ADAMTS14: variants seen among roughly 807,000 people sequenced by gnomAD.
The protein encoded by ADAMTS14 is ADAM metallopeptidase with thrombospondin type 1 motif 14.
In ADAMTS14, 100 loss-of-function variants were observed where a neutral mutation model predicts 128.6. The ratio of observed to expected loss-of-function variants is 0.78; its 90% CI spans 0.66 to 0.92. ADAMTS14 has a LOEUF of 0.92. Ranked by LOEUF, ADAMTS14 falls within the 40% of genes least tolerant of loss-of-function variation. ADAMTS14 has a pLI of 0.00. For synonymous variants in ADAMTS14, 665 were observed against 653.8 expected (o/e 1.02, Z -0.26); for missense variants, 1,562 against 1,658.6 (o/e 0.94, Z 1.01).
intron 2 of ADAMTS14, among the ~76,000 whole-genome samples, chr10:70,698,109 A>C (rs1003594919): frequency 1.2e-4 from 18 of 152,166 alleles, no homozygotes; most frequent in African/African-American, 4.3e-4. Flanking sequence ...TTTTAGTTTT[A>C]CTGTGTGAAG....
chr10:70,714,213 A>G (rs1301669841), intron 4 of ADAMTS14, among the ~76,000 whole-genome samples: 1 of 152,116 alleles, frequency 6.6e-6, no homozygotes, highest in Non-Finnish European at 1.5e-5. Flanking sequence ...AAAAAAGAAT[A>G]TCATTGTAGA....
rs367807105 is a variant in ADAMTS14 at position 70,754,020 on chromosome 10, C to T, written c.2937+13C>T. On this transcript the variant is annotated intron_variant, in intron 19 of 21. Coordinates refer to ENST00000373207, the MANE Select transcript of ADAMTS14 (RefSeq NM_080722.4). ...AGCCTGGTCCCAGGTGACTTGTCCT[C>T]AGGAGGTGGGAGGGGCTTGGGGAGG... 11 of 1,539,536 alleles carry T rather than the reference C, an allele frequency of 7.1e-6. No individual in the cohort carries two copies. The African/African-American group carries it at 1.1e-4, about 15-fold the overall frequency.
intron 2 of ADAMTS14, among the ~76,000 whole-genome samples, chr10:70,693,829 C>T (rs1166087626): frequency 6.6e-6 from 1 of 152,238 alleles, no homozygotes; most frequent in Non-Finnish European, 1.5e-5. Flanking sequence ...TCCCAGATAA[C>T]TCTCTCCAGC....
At chr10:70,678,475 G>C (rs1001677751) in intron 2 of ADAMTS14, among the ~76,000 whole-genome samples, 2 of 152,064 alleles carry the variant, frequency 1.3e-5, no homozygotes, top group African/African-American at 2.4e-5. Context: ...AGTTTGCTGG[G>C]GTCAGGGGGT....
intron 3 of ADAMTS14, among the ~76,000 whole-genome samples, chr10:70,707,566 G>A (rs948772920): frequency 1.6e-4 from 24 of 152,300 alleles, no homozygotes; most frequent in African/African-American, 5.5e-4. Context: ...TCAGGCTATA[G>A]CATAGATGAC....
chr10:70,712,343 A>G (rs1285438198), intron 4 of ADAMTS14, among the ~76,000 whole-genome samples: 2 of 152,224 alleles, frequency 1.3e-5, no homozygotes, highest in African/African-American at 4.8e-5. Flanking sequence ...TGAAGACCCC[A>G]GGACTGTAAG....
intron 2 of ADAMTS14, among the ~76,000 whole-genome samples, chr10:70,682,222 G>T (rs1456250707): frequency 2.0e-5 from 3 of 151,444 alleles, no homozygotes; most frequent in Admixed American, 6.5e-5. Flanking sequence ...AGAAAGAGAA[G>T]AGGACCGGGT....
chr10:70,739,643 T>G (rs1232086376), intron 11 of ADAMTS14, among the ~76,000 whole-genome samples: 2 of 152,082 alleles, frequency 1.3e-5, no homozygotes, highest in Non-Finnish European at 2.9e-5. Context: ...ATGGCTTGGT[T>G]GGCTCTAGGA....
In ADAMTS14 at chr10:70,761,808, C is replaced by T. The variant is rs1235394724; in HGVS notation, c.*955C>T. 6.6e-6 allele frequency: 1 copy of T among 152,290 alleles called. No homozygotes were observed. Among genetic ancestry groups the T allele is most frequent in the Non-Finnish European group, 1.5e-5 (1 of 68,072 alleles). 9.4% of individuals were successfully genotyped at this position (152,290 alleles called of 1,614,324 possible). A position where few individuals can be genotyped will look rare whatever the true frequency, so the allele number is the denominator to read the frequency against. On this transcript the variant is annotated 3_prime_UTR_variant, in exon 22 of 22. Transcript: ENST00000373207. ...GAAGATCGCTCCTGCTGGAGTCGGA[C>T]ATCTTCATCTTCTACCTGGCTCAAG...
intron 3 of ADAMTS14, among the ~76,000 whole-genome samples, chr10:70,702,922 C>T (rs1840542249): frequency 6.6e-6 from 1 of 152,192 alleles, no homozygotes; most frequent in African/African-American, 2.4e-5. Flanking sequence ...TACAACCCTA[C>T]CTTCAAGTCT....
chr10:70,709,984 C>T (rs1840794723), intron 4 of ADAMTS14, among the ~76,000 whole-genome samples: 2 of 152,092 alleles, frequency 1.3e-5, no homozygotes, highest in Admixed American at 1.3e-4. Flanking sequence ...CTGTGTGGTT[C>T]TGGGAAAGGA....
chr10:70,688,124 A>G (rs1272228115), intron 2 of ADAMTS14, among the ~76,000 whole-genome samples: 65 of 38,326 alleles, frequency 1.7e-3, no homozygotes, highest in Non-Finnish European at 2.2e-3. Context: ...GGTGGTTGCC[A>G]GGCAGAGGGT....
At position 70,751,521 on chromosome 10, in the gene ADAMTS14, A is replaced by G; in HGVS notation, c.2471A>G (p.Tyr824Cys). 1.2e-6 allele frequency: 2 copies of G among 1,612,606 alleles called. No homozygotes were observed. The highest frequency in any genetic ancestry group is 8.5e-7 in the Non-Finnish European group (1 of 1,178,824). ...TEGGPRSSLA[Y>C]KYVIHEDLLP... Reference sequence around the variant, plus strand: ...GGTGGCCCCCGCAGCAGCCTGGCCTACAAGTACGTCATCCATGAGGACCTG... The same window carrying G: ...GGTGGCCCCCGCAGCAGCCTGGCCTGCAAGTACGTCATCCATGAGGACCTG... The change falls in exon 17 of 22, where the codon TAC becomes TGC. Residue 824 changes from tyrosine to cysteine, a missense_variant. By Grantham distance (194) the Tyr-to-Cys change is radical. Transcript: ENST00000373207.
intron 2 of ADAMTS14, among the ~76,000 whole-genome samples, chr10:70,675,546 G>A (rs1839620590): frequency 1.3e-5 from 2 of 152,104 alleles, no homozygotes; most frequent in Admixed American, 6.5e-5. Context: ...GTAACATTGC[G>A]ACGTCGTGTC....
At chr10:70,696,236 G>A (rs1040247553) in intron 2 of ADAMTS14, among the ~76,000 whole-genome samples, 1 of 152,118 alleles carries the variant, frequency 6.6e-6, no homozygotes, top group African/African-American at 2.4e-5. Flanking sequence ...GTAACAGAGA[G>A]GTGATCCTGA....
In ADAMTS14 at chr10:70,749,936, A is replaced by C; in HGVS notation, c.2378A>C (p.Lys793Thr). ...TGGGAGGATGCGGTGGAGGATGCCA[A>C]GGAAAGCCTCAAGACCAGCGGGCCC... is the stretch of plus-strand genomic sequence containing the variant. ...LEWEDAVEDA[K>T]ESLKTSGPLP... The change falls in exon 16 of 22, where the codon AAG becomes ACG. Residue 793 changes from lysine to threonine, a missense_variant. Lys to Thr is a moderately conservative substitution (Grantham distance 78). Coordinates refer to ENST00000373207, the MANE Select transcript of ADAMTS14 (RefSeq NM_080722.4). 6.2e-7 allele frequency: 1 copy of C among 1,614,104 alleles called. No individual in the cohort carries two copies. The highest frequency in any genetic ancestry group is 8.5e-7 in the Non-Finnish European group (1 of 1,180,002).
At chr10:70,720,628 C>T (rs1342234501) in intron 4 of ADAMTS14, among the ~76,000 whole-genome samples, 3 of 152,258 alleles carry the variant, frequency 2.0e-5, no homozygotes, top group Admixed American at 6.5e-5. Flanking sequence ...GCTCAGACCA[C>T]AGGTAGTAGT....
At chr10:70,707,467 C>G (rs1479329595) in intron 3 of ADAMTS14, among the ~76,000 whole-genome samples, 1 of 152,066 alleles carries the variant, frequency 6.6e-6, no homozygotes, top group Non-Finnish European at 1.5e-5. Context: ...TTGACAGACC[C>G]CAGCCTCCTG....
intron 5 of ADAMTS14, 25 bp from the exon 6 acceptor site, chr10:70,730,077 G>C: frequency 6.4e-7 from 1 of 1,566,718 alleles, no homozygotes; most frequent in Non-Finnish European, 8.6e-7. Context: ...CCACGTGGCT[G>C]TTGGTGCTCT....
Sources: gnomAD v4.1 joint callset for allele counts (sites outside exome capture counted in the v4.1 genomes callset) on GRCh38, gnomAD v4.1.1 for gene constraint, MANE v1.5 for transcripts, NCBI Gene and HGNC (gene_info 2026-07-23, HGNC 2026-07-21) for gene names.